Variants in DAAM1 observed in about 807,000 individuals in gnomAD.
The protein encoded by DAAM1 is disheveled-associated activator of morphogenesis 1.
DAAM1 carries 52 observed loss-of-function variants against 130.0 expected under a neutral mutation model. The observed-to-expected ratio is 0.40, with a 90% CI of 0.32 to 0.50. The LOEUF is 0.50. Among genes scored for constraint, DAAM1 ranks in the 20% least tolerant of loss-of-function variants. DAAM1 has a pLI of 0.61. For synonymous variants in DAAM1, 452 were observed against 444.5 expected (o/e 1.02, Z -0.21); for missense variants, 1,134 against 1,303.8 (o/e 0.87, Z 2.01).
chr14:59,309,074 A>G (rs894871588), intron 3 of DAAM1, among the ~76,000 whole-genome samples: 4 of 152,228 alleles, frequency 2.6e-5, no homozygotes, highest in African/African-American at 9.6e-5. Flanking sequence ...AGCTTCAGAT[A>G]TAGAATATAG....
intron 2 of DAAM1, among the ~76,000 whole-genome samples, chr14:59,287,739 A>G (rs1181431001): frequency 6.6e-6 from 1 of 152,148 alleles, no homozygotes; most frequent in East Asian, 1.9e-4. Context: ...AGATCTCTAC[A>G]ATGAGAATTA....
chr14:59,252,675 G>GTTAACATATTTCCACCAAACAGTA (rs2139484360), intron 1 of DAAM1, among the ~76,000 whole-genome samples: 2 of 141,318 alleles, frequency 1.4e-5, no homozygotes, highest in East Asian at 3.9e-4. Flanking sequence ...ACCAAACAGT[G>GTTAACATATTTCCACCAAACAGTA]GTTAACATAT....
At chr14:59,322,720 C>T (rs7160282) in intron 5 of DAAM1, among the ~76,000 whole-genome samples, 172 bp from the exon 6 acceptor site, 21,043 of 152,058 alleles carry the variant, frequency 0.14, 1,642 homozygotes, top group Middle Eastern at 0.2. Flanking sequence ...TTAGAACTGA[C>T]TATTGGGTCT....
rs183175275 is a variant in DAAM1 at position 59,262,010 on chromosome 14, C to T, written c.-37-1431C>T. ...TCCCTGACCAAGATATGTTTCTCCTCCCCTGCCCTTCCATCTCTTGAAGGA... is the reference window on the plus strand; with the variant it reads ...TCCCTGACCAAGATATGTTTCTCCTTCCCTGCCCTTCCATCTCTTGAAGGA... On this transcript the variant is annotated intron_variant, in intron 1 of 24. Transcript: ENST00000360909. 4.6e-5 allele frequency among the ~76,000 whole-genome samples: 7 copies of T among 152,114 alleles called. No homozygotes were observed. In the East Asian group the frequency reaches 1.4e-3, roughly 29 times the overall value.
chr14:59,293,770 G>A (rs926566383), intron 3 of DAAM1, among the ~76,000 whole-genome samples: 2 of 152,132 alleles, frequency 1.3e-5, no homozygotes, highest in African/African-American at 2.4e-5. Context: ...TTTGGTCACT[G>A]CAATAAATTG....
intron 1 of DAAM1, among the ~76,000 whole-genome samples, chr14:59,201,053 C>T (rs190979615): frequency 6.7e-6 from 1 of 148,800 alleles, no homozygotes; most frequent in African/African-American, 2.5e-5. Flanking sequence ...CCCAGCTACT[C>T]GGGAGTCTGA....
In DAAM1 at chr14:59,369,962, T is replaced by C. The variant is rs985322801; in HGVS notation, c.*1103T>C. 2.0e-5 allele frequency: 3 copies of C among 151,798 alleles called. No homozygotes were observed. The highest frequency in any genetic ancestry group is 7.2e-5 in the African/African-American group (3 of 41,392). 9.4% of individuals were successfully genotyped at this position (151,798 alleles called of 1,614,324 possible). On this transcript the variant is annotated 3_prime_UTR_variant, in exon 25 of 25. Transcript: ENST00000360909. ...AGTGATTGCTGTTTATATGTTGTCA[T>C]TTTAAAATTGTGTGTCAGTAAAGCT...
At chr14:59,344,990 T>C (rs988303601) in intron 16 of DAAM1, among the ~76,000 whole-genome samples, 1 of 152,084 alleles carries the variant, frequency 6.6e-6, no homozygotes, top group Admixed American at 6.5e-5. Flanking sequence ...TCCTCATGAT[T>C]ATAGATGTTT....
intron 2 of DAAM1, among the ~76,000 whole-genome samples, chr14:59,278,128 A>G (rs1360944350): frequency 6.6e-6 from 1 of 152,222 alleles, no homozygotes; most frequent in Non-Finnish European, 1.5e-5. Flanking sequence ...CTCTCTTAAA[A>G]TATCTTACTG....
chr14:59,196,257 A>C (rs1389702601), intron 1 of DAAM1, among the ~76,000 whole-genome samples: 1 of 152,200 alleles, frequency 6.6e-6, no homozygotes, highest in Non-Finnish European at 1.5e-5. Flanking sequence ...AGAGTAAAGG[A>C]TGGTGGTCAA....
intron 3 of DAAM1, among the ~76,000 whole-genome samples, chr14:59,293,555 TCTC>T (rs1039963709): frequency 2.0e-5 from 3 of 152,162 alleles, no homozygotes; most frequent in Non-Finnish European, 2.9e-5. Context: ...AGAATGCACT[TCTC>T]CTACTAGCTT....
chr14:59,258,722 G>A (rs1882023550), intron 1 of DAAM1, among the ~76,000 whole-genome samples: 1 of 152,102 alleles, frequency 6.6e-6, no homozygotes, highest in South Asian at 2.1e-4. Flanking sequence ...GGAAAAAATG[G>A]ATGCCTGTTG....
chr14:59,221,198 C>T (rs1045529600), intron 1 of DAAM1, among the ~76,000 whole-genome samples: 5 of 152,216 alleles, frequency 3.3e-5, no homozygotes, highest in Admixed American at 6.5e-5. Context: ...GATGTTTACT[C>T]CTCTCCTGAG....
At chr14:59,263,402 T>C (rs948414746) in intron 1 of DAAM1, 39 bp from the exon 2 acceptor site, 13 of 1,566,884 alleles carry the variant, frequency 8.3e-6, no homozygotes. Flanking sequence ...ATTTTATCTG[T>C]TCCTGTACTC....
chr14:59,200,103 G>T (rs577412191), intron 1 of DAAM1, among the ~76,000 whole-genome samples: 1 of 152,236 alleles, frequency 6.6e-6, no homozygotes, highest in South Asian at 2.1e-4. Flanking sequence ...GACCCTTTAG[G>T]GTCACTTCTC....
At chr14:59,222,075 C>T (rs1294138775) in intron 1 of DAAM1, among the ~76,000 whole-genome samples, 1 of 152,186 alleles carries the variant, frequency 6.6e-6, no homozygotes, top group Non-Finnish European at 1.5e-5. Context: ...TTGTCAGCTA[C>T]GTAGCATGTA....
intron 2 of DAAM1, among the ~76,000 whole-genome samples, chr14:59,280,181 TC>T (rs140342476): frequency 0.22 from 32,821 of 152,154 alleles, 4,314 homozygotes; most frequent in African/African-American, 0.38. Context: ...AAGTGTTACT[TC>T]AATGTATACC....
intron 1 of DAAM1, among the ~76,000 whole-genome samples, chr14:59,215,977 G>GTCC (rs1888566390): frequency 2.0e-5 from 3 of 152,136 alleles, no homozygotes; most frequent in Admixed American, 1.3e-4. Flanking sequence ...TGAATGACAG[G>GTCC]CTTGTTTGCG....
chr14:59,270,522 A>C (rs907564295), intron 2 of DAAM1, among the ~76,000 whole-genome samples: 1 of 152,006 alleles, frequency 6.6e-6, no homozygotes, highest in African/African-American at 2.4e-5. Context: ...ATTAGGCCCC[A>C]CCTCCAATAT....
Sources: allele counts gnomAD v4.1 joint callset (sites outside exome capture counted in the v4.1 genomes callset), GRCh38; gene constraint gnomAD v4.1.1; transcripts MANE v1.5; gene names NCBI Gene and HGNC (gene_info 2026-07-23, HGNC 2026-07-21).